Variants in RPS6KA2 observed in about 807,000 individuals in gnomAD.
The protein encoded by RPS6KA2 is ribosomal protein S6 kinase A2.
A neutral mutation model predicts 91.8 loss-of-function variants in RPS6KA2; 42 were observed. That is an observed-to-expected ratio of 0.46 (90% confidence interval 0.36 to 0.59). The LOEUF (loss-of-function observed/expected upper bound fraction) is 0.59. Ranked by LOEUF, RPS6KA2 falls within the 20% of genes least tolerant of loss-of-function variation. The pLI is 0.00. For synonymous variants in RPS6KA2, 414 were observed against 393.6 expected, an observed-to-expected ratio of 1.05 and a Z score of -0.61; for missense variants, 798 against 978.5, an observed-to-expected ratio of 0.82 and a Z score of 2.46.
intron 1 of RPS6KA2, among the ~76,000 whole-genome samples, chr6:166,595,893 C>T (rs978986286): frequency 3.3e-5 from 5 of 152,336 alleles, no homozygotes; most frequent in African/African-American, 1.2e-4. Context: ...CAAATCCAAG[C>T]CTGGTCAGAG....
intron 2 of RPS6KA2, among the ~76,000 whole-genome samples, chr6:166,744,338 G>A (rs182327621): frequency 1.0e-3 from 149 of 146,500 alleles, no homozygotes; most frequent in Non-Finnish European, 1.7e-3. Flanking sequence ...GGTTCCCCGT[G>A]CCTCTGGGCC....
chr6:166,426,053 TA>T (rs1388785560), intron 16 of RPS6KA2, among the ~76,000 whole-genome samples: 1 of 151,926 alleles, frequency 6.6e-6, no homozygotes, highest in Non-Finnish European at 1.5e-5. Flanking sequence ...TAGTTGGAAG[TA>T]AAGCTCTCCT....
At chr6:166,853,101 A>G (rs992966295) in intron 2 of RPS6KA2, among the ~76,000 whole-genome samples, 4 of 152,186 alleles carry the variant, frequency 2.6e-5, no homozygotes, top group African/African-American at 9.7e-5. Context: ...AAATGGTCCT[A>G]TTGTTATCAA....
intron 14 of RPS6KA2, among the ~76,000 whole-genome samples, chr6:166,447,150 G>A (rs1369825819): frequency 2.6e-5 from 4 of 152,096 alleles, no homozygotes; most frequent in South Asian, 2.1e-4. Context: ...AAGCCTACGC[G>A]CCCCAGGCTG....
At chr6:166,706,812 A>C (rs1329510557) in intron 2 of RPS6KA2, among the ~76,000 whole-genome samples, 2 of 152,236 alleles carry the variant, frequency 1.3e-5, no homozygotes, top group African/African-American at 4.8e-5. Context: ...AAGAATATAG[A>C]GAGGGTGGGA....
intron 17 of RPS6KA2, among the ~76,000 whole-genome samples, chr6:166,421,701 C>T (rs1029065052): frequency 2.0e-5 from 3 of 152,146 alleles, no homozygotes; most frequent in Admixed American, 6.5e-5. Flanking sequence ...CTGGGCATCT[C>T]GCATGCATAA....
chr6:166,789,317 G>A (rs908744878), intron 2 of RPS6KA2, among the ~76,000 whole-genome samples: 4 of 152,172 alleles, frequency 2.6e-5, no homozygotes, highest in Non-Finnish European at 4.4e-5. Context: ...GGGGAGGGGC[G>A]CCCGCCATTG....
chr6:166,715,073 C>T (rs965271859), intron 2 of RPS6KA2, among the ~76,000 whole-genome samples: 2 of 152,226 alleles, frequency 1.3e-5, no homozygotes, highest in African/African-American at 4.8e-5. Flanking sequence ...CTCACCAAAG[C>T]CTTCTGCCTT....
Position 166,748,630 on chromosome 6 carries a change from A to G in RPS6KA2, c.123+109570T>C, listed in dbSNP as rs192660589. On this transcript the variant is annotated intron_variant, in intron 2 of 21. Transcript: ENST00000503859. ...CATTTCCCTGGGCCCCCACCTCCTC[A>G]GGCCCCCATCCCCTTGGGCCCCCAC... Among the ~76,000 whole-genome samples, 178 of 24,728 alleles carry G rather than the reference A, an allele frequency of 7.2e-3. 4 individuals carry two copies. The highest frequency in any genetic ancestry group is 0.028 in the Middle Eastern group (1 of 36). The allele number at this position is 24,728 out of a possible 152,430, so 16.2% of individuals were successfully genotyped here. A position where few individuals can be genotyped will look rare whatever the true frequency, so the allele number is the denominator to read the frequency against.
chr6:166,584,413 G>C (rs1031987643), intron 1 of RPS6KA2, among the ~76,000 whole-genome samples: 1 of 152,192 alleles, frequency 6.6e-6, no homozygotes, highest in African/African-American at 2.4e-5. Context: ...AACATGGAGG[G>C]ATACAATTGA....
At chr6:166,748,084 C>T (rs1382506888) in intron 2 of RPS6KA2, among the ~76,000 whole-genome samples, 2 of 152,096 alleles carry the variant, frequency 1.3e-5, no homozygotes, top group Non-Finnish European at 2.9e-5. Flanking sequence ...GGGGTGGTGA[C>T]CAGGGTGAAC....
At chr6:166,562,336 A>C (rs1342770315) in intron 1 of RPS6KA2, among the ~76,000 whole-genome samples, 1 of 152,168 alleles carries the variant, frequency 6.6e-6, no homozygotes, top group African/African-American at 2.4e-5. Flanking sequence ...GTGATCAGAC[A>C]CTACCTATTA....
intron 3 of RPS6KA2, among the ~76,000 whole-genome samples, chr6:166,530,204 A>G (rs1783217084): frequency 6.6e-6 from 1 of 152,196 alleles, no homozygotes; most frequent in Non-Finnish European, 1.5e-5. Flanking sequence ...TCAGAGCCTC[A>G]TGGGGCCCCA....
intron 1 of RPS6KA2, among the ~76,000 whole-genome samples, chr6:166,546,366 G>A (rs1363130447): frequency 6.6e-6 from 1 of 152,122 alleles, no homozygotes; most frequent in Non-Finnish European, 1.5e-5. Context: ...GTATTATTTA[G>A]CACAACTTTA....
At chr6:166,816,400 A>AAAAAAAG (rs1779765242) in intron 2 of RPS6KA2, among the ~76,000 whole-genome samples, 1 of 150,628 alleles carries the variant, frequency 6.6e-6, no homozygotes, top group Admixed American at 6.6e-5. Flanking sequence ...ACAAAAAAAA[A>AAAAAAAG]AAAAAATAGC....
intron 2 of RPS6KA2, among the ~76,000 whole-genome samples, chr6:166,744,645 G>C (rs774520052): frequency 6.6e-6 from 1 of 152,154 alleles, no homozygotes; most frequent in Non-Finnish European, 1.5e-5. Flanking sequence ...GGGTCCTCCC[G>C]CGCTGCCCCT....
chr6:166,642,702 T>C (rs1787482008), intron 2 of RPS6KA2, among the ~76,000 whole-genome samples: 1 of 152,114 alleles, frequency 6.6e-6, no homozygotes, highest in Non-Finnish European at 1.5e-5. Flanking sequence ...AGAAAAAAAT[T>C]TCAAATGATA....
chr6:166,463,478 A>G (rs1404705304), intron 11 of RPS6KA2: 1 of 152,220 alleles, frequency 6.6e-6, no homozygotes, highest in East Asian at 1.9e-4. Flanking sequence ...TTGTCCCAGG[A>G]TGTCAGAATG....
At chr6:166,501,328 C>T (rs368303064) in intron 6 of RPS6KA2, among the ~76,000 whole-genome samples, 5 of 152,302 alleles carry the variant, frequency 3.3e-5, no homozygotes, top group South Asian at 2.1e-4. Context: ...TTTCTGCACT[C>T]GGGATGCCCT....
Sources: gnomAD v4.1 joint callset for allele counts (sites outside exome capture counted in the v4.1 genomes callset) on GRCh38, gnomAD v4.1.1 for gene constraint, MANE v1.5 for transcripts, NCBI Gene and HGNC (gene_info 2026-07-23, HGNC 2026-07-21) for gene names.